Variants in MGST1 observed in about 807,000 individuals in gnomAD.
MGST1 encodes glutathione S-transferase 12.
A neutral mutation model predicts 8.9 loss-of-function variants in MGST1; 5 were observed. The observed-to-expected ratio is 0.56, with a 90% CI of 0.29 to 1.19. The LOEUF is 1.19. MGST1 is among the 50% of genes most tolerant of loss of function. The probability of loss-of-function intolerance (pLI) is 0.08; values close to 1 mark genes in which losing one functional copy is unlikely to be tolerated. For missense variants in MGST1, 182 were observed against 187.4 expected, an observed-to-expected ratio of 0.97 and a Z score of 0.17; for synonymous variants, 54 against 67.8, an observed-to-expected ratio of 0.80 and a Z score of 1.00.
rs527552889 is a variant in MGST1 at position 16,565,556 on chromosome 12, A to G, written n.483-23972A>G. Among the ~76,000 whole-genome samples, 5 of 152,326 alleles carry G rather than the reference A, an allele frequency of 3.3e-5. No individual in the cohort carries two copies. In the South Asian group the frequency reaches 1.0e-3, roughly 32 times the overall value. ...TGTATTATGAAAGTTAAAGAAAAGT[A>G]AAAAAGAAAACACTGAACATTTTAG... On this transcript the variant is annotated intron_variant and non_coding_transcript_variant, in intron 4 of 4. Coordinates refer to the MGST1 transcript ENST00000538857.
chr12:16,381,757 A>G (rs1374210039), downstream of MGST1, among the ~76,000 whole-genome samples: 1 of 152,150 alleles, frequency 6.6e-6, no homozygotes, highest in Admixed American at 6.5e-5. Context: ...CATTCTCCCC[A>G]TCACTTTCAG....
At chr12:16,403,528 G>T (rs1194875578) in intron 1 of MGST1, among the ~76,000 whole-genome samples, 2 of 151,920 alleles carry the variant, frequency 1.3e-5, no homozygotes, top group Admixed American at 1.3e-4. Context: ...TGGTGCAAAA[G>T]TAATTGCTGT....
rs181167430 is a variant in MGST1, at chr12:16,468,324, T to C, written n.482+84720T>C. Among the ~76,000 whole-genome samples the C allele has an allele frequency of 2.5e-3, 378 of 152,346 alleles. 1 individual carries two copies. Among genetic ancestry groups the C allele is most frequent in the South Asian group, 1.0e-2 (48 of 4,822 alleles). ...ACATATGCAGATTCACAAGTATCTATACAATTTTTCAAACATAGAAATTAT... is the reference window on the plus strand; with the variant it reads ...ACATATGCAGATTCACAAGTATCTACACAATTTTTCAAACATAGAAATTAT... On this transcript the variant is annotated intron_variant and non_coding_transcript_variant, in intron 4 of 4. Coordinates refer to the MGST1 transcript ENST00000538857.
chr12:16,551,220 G>A, intron 4 of MGST1: 5 of 1,570,002 alleles, frequency 3.2e-6, no homozygotes, highest in Non-Finnish European at 4.4e-6. Context: ...GATGTTGATA[G>A]ATCAGCGAAC....
chr12:16,382,078 T>C (rs976039292), downstream of MGST1, among the ~76,000 whole-genome samples: 5 of 152,260 alleles, frequency 3.3e-5, no homozygotes, highest in South Asian at 2.1e-4. Flanking sequence ...TTGCCATTGG[T>C]TCGAATTTCC....
chr12:16,477,580 C>G (rs1008105298), intron 4 of MGST1, among the ~76,000 whole-genome samples: 1 of 152,192 alleles, frequency 6.6e-6, no homozygotes, highest in Non-Finnish European at 1.5e-5. Flanking sequence ...TTGTATACTA[C>G]TCAACTGTAT....
At chr12:16,395,917 A>G (rs1940601945) in intron 1 of MGST1, among the ~76,000 whole-genome samples, 2 of 151,726 alleles carry the variant, frequency 1.3e-5, no homozygotes, top group Admixed American at 1.3e-4. Context: ...AAACATGTAC[A>G]TGCAAGTATC....
At chr12:16,488,270 G>A (rs1941413524) in intron 4 of MGST1, among the ~76,000 whole-genome samples, 1 of 152,106 alleles carries the variant, frequency 6.6e-6, no homozygotes, top group South Asian at 2.1e-4. Context: ...TTTAAATTTA[G>A]TTAATAGCTT....
chr12:16,355,728 T>C (rs1354114695), intron 2 of MGST1, among the ~76,000 whole-genome samples: 1 of 152,212 alleles, frequency 6.6e-6, no homozygotes, highest in African/African-American at 2.4e-5. Context: ...TTATGTGTGC[T>C]TGGTCATGCA....
chr12:16,400,547 CT>C lies in MGST1; in HGVS notation n.778+16945del. 4 of 882,426 alleles carry C rather than the reference CT, an allele frequency of 4.5e-6. No individual in the cohort carries two copies. In the South Asian group the frequency reaches 5.3e-5, roughly 12 times the overall value. The allele number at this position is 882,426 out of a possible 1,614,324, so 54.7% of individuals were successfully genotyped here. A position where few individuals can be genotyped will look rare whatever the true frequency, so the allele number is the denominator to read the frequency against. ...TCTCAAGTTTTATAACGTTTCTGTACTTCTTTAATAATTCGGAAAGCATTCT... is the reference window on the plus strand; with the variant it reads ...TCTCAAGTTTTATAACGTTTCTGTACTCTTTAATAATTCGGAAAGCATTCT... On this transcript the variant is annotated intron_variant and non_coding_transcript_variant, in intron 1 of 1. Transcript: ENST00000359720.
intron 4 of MGST1, among the ~76,000 whole-genome samples, chr12:16,580,352 G>A (rs1943121247): frequency 1.3e-5 from 2 of 152,144 alleles, no homozygotes; most frequent in South Asian, 4.1e-4. Flanking sequence ...GACACCACAA[G>A]GATGCAACCA....
At chr12:16,519,347 T>C (rs902069615) in intron 4 of MGST1, among the ~76,000 whole-genome samples, 1 of 152,218 alleles carries the variant, frequency 6.6e-6, no homozygotes. Context: ...CTGCAAGTTA[T>C]AGAGACTACT....
rs1193404055 is a variant in MGST1, at chr12:16,497,947, C to T, written n.483-91581C>T. 6.6e-6 allele frequency among the ~76,000 whole-genome samples: 1 copy of T among 152,072 alleles called. No individual in the cohort carries two copies. The highest frequency in any genetic ancestry group is 2.4e-5 in the African/African-American group (1 of 41,418). ...TGTAATCACATTTTATGGAATATCT[C>T]CAAGGGGCTAGTTTTGGAAATTGGA... On this transcript the variant is annotated intron_variant and non_coding_transcript_variant, in intron 4 of 4. Transcript: ENST00000538857. The surrounding 1 kb of genome is among the most constrained non-coding windows in gnomAD (Gnocchi z 4.4).
intron 1 of MGST1, among the ~76,000 whole-genome samples, chr12:16,392,743 T>A (rs778965607): frequency 9.9e-5 from 15 of 152,196 alleles, no homozygotes; most frequent in Non-Finnish European, 1.8e-4. Context: ...TGTCTCTATA[T>A]CTATCTAGAT....
chr12:16,490,299 T>C (rs1401156296), intron 4 of MGST1, among the ~76,000 whole-genome samples: 3 of 152,048 alleles, frequency 2.0e-5, no homozygotes, highest in Non-Finnish European at 4.4e-5. Flanking sequence ...GATCCATTGG[T>C]TGTGGCCATT....
intron 1 of MGST1, among the ~76,000 whole-genome samples, chr12:16,384,526 G>A: frequency 6.6e-6 from 1 of 152,194 alleles, no homozygotes; most frequent in East Asian, 1.9e-4. Flanking sequence ...GCAAGGAACA[G>A]ACGCCCTGGA....
Position 16,428,796 on chromosome 12 carries a change from A to C in MGST1, n.779-8592A>C, listed in dbSNP as rs1057451558. On this transcript the variant is annotated intron_variant and non_coding_transcript_variant, in intron 1 of 1. Transcript: ENST00000359720. ...TTTTTATGAGGCTTGCTTTTACTTA[A>C]GATTTCTATTTGTGCTTATTTGCTC... 3.3e-5 allele frequency among the ~76,000 whole-genome samples: 5 copies of C among 151,866 alleles called. No homozygotes were observed. In the South Asian group the frequency reaches 6.2e-4, roughly 19 times the overall value.
chr12:16,370,867 G>T (rs903284627), intron 3 of MGST1, among the ~76,000 whole-genome samples: 1 of 152,170 alleles, frequency 6.6e-6, no homozygotes, highest in Non-Finnish European at 1.5e-5. Context: ...ATATCAAGAT[G>T]TGGAAATAAT....
At chr12:16,368,525 G>A (rs539977273), downstream of MGST1, among the ~76,000 whole-genome samples, 9 of 152,216 alleles carry the variant, frequency 5.9e-5, no homozygotes, top group Admixed American at 3.3e-4. Flanking sequence ...CAGCCAAAGC[G>A]GCACCTCTAC....
Sources: allele counts gnomAD v4.1 joint callset (sites outside exome capture counted in the v4.1 genomes callset), GRCh38; gene constraint gnomAD v4.1.1; non-coding constraint Gnocchi (gnomAD v3.1); transcripts MANE v1.5; gene names NCBI Gene and HGNC (gene_info 2026-07-23, HGNC 2026-07-21).